PVT1: variants seen among roughly 807,000 people sequenced by gnomAD.
PVT1 encodes Pvt1 oncogene, also known as CXCR4/PVT1 fusion.
Position 127,839,686 on chromosome 8 carries a change from C to G in PVT1, n.372+43615C>G, listed in dbSNP as rs770811420. Among the ~76,000 whole-genome samples the G allele has an allele frequency of 1.2e-3, 178 of 152,032 alleles. 1 individual carries two copies. The highest frequency in any genetic ancestry group is 3.8e-3 in the African/African-American group (159 of 41,478). ...GAAACACCCAGATGGGTCATGAGCCCGTGCATCAGTCAGGGTCTAATGGCT... is the reference window on the plus strand; with the variant it reads ...GAAACACCCAGATGGGTCATGAGCCGGTGCATCAGTCAGGGTCTAATGGCT... On this transcript the variant is annotated intron_variant and non_coding_transcript_variant, in intron 2 of 10. Transcript: ENST00000651587.
At chr8:128,041,111 T>G (rs1813527581) in intron 4 of PVT1, among the ~76,000 whole-genome samples, 1 of 151,980 alleles carries the variant, frequency 6.6e-6, no homozygotes, top group South Asian at 2.1e-4. Flanking sequence ...TGTGTGATTG[T>G]GTGTATATGT....
intron 3 of PVT1, among the ~76,000 whole-genome samples, chr8:127,988,440 G>A (rs1407626191): frequency 6.6e-6 from 1 of 152,204 alleles, no homozygotes; most frequent in Non-Finnish European, 1.5e-5. Context: ...GTCAGTGCCT[G>A]GATCCCCAGG....
intron 3 of PVT1, among the ~76,000 whole-genome samples, chr8:127,964,357 C>T (rs1420294150): frequency 6.6e-6 from 1 of 152,172 alleles, no homozygotes; most frequent in African/African-American, 2.4e-5. Context: ...TTGGCGGATA[C>T]AGCAGCGACC....
chr8:127,883,887 T>C (rs1455262339), intron 2 of PVT1, among the ~76,000 whole-genome samples: 1 of 152,148 alleles, frequency 6.6e-6, no homozygotes, highest in Non-Finnish European at 1.5e-5. Context: ...GGCGTGAGAA[T>C]ACGATGAAAC....
At chr8:127,955,221 A>C (rs1320621139) in intron 3 of PVT1, among the ~76,000 whole-genome samples, 1 of 152,222 alleles carries the variant, frequency 6.6e-6, no homozygotes, top group East Asian at 1.9e-4. Flanking sequence ...AGGGAAGGCC[A>C]TGTGTGGACA....
intron 3 of PVT1, among the ~76,000 whole-genome samples, chr8:127,986,443 A>G (rs1418826760): frequency 6.6e-6 from 1 of 152,196 alleles, no homozygotes; most frequent in Admixed American, 6.5e-5. Context: ...CATCAGGTGC[A>G]GGGACCTCAG....
intron 2 of PVT1, among the ~76,000 whole-genome samples, chr8:127,822,054 G>GTTC (rs1213652276): frequency 1.3e-5 from 2 of 152,290 alleles, no homozygotes; most frequent in Admixed American, 1.3e-4. Context: ...AGCTTCAGTT[G>GTTC]TTCTATCTGT....
intron 4 of PVT1, among the ~76,000 whole-genome samples, chr8:128,011,873 C>A (rs546119313): frequency 1.9e-4 from 29 of 152,234 alleles, no homozygotes; most frequent in Admixed American, 1.2e-3. Flanking sequence ...TGAGAGAATG[C>A]TCTGTCTCTG....
chr8:127,993,833 A>G (rs1435162281), intron 4 of PVT1, among the ~76,000 whole-genome samples: 1 of 152,180 alleles, frequency 6.6e-6, no homozygotes, highest in Non-Finnish European at 1.5e-5. Context: ...CTTGTATTGC[A>G]CAAATATCGA....
At chr8:128,086,402 C>T (rs1814255306) in intron 5 of PVT1, among the ~76,000 whole-genome samples, 1 of 152,170 alleles carries the variant, frequency 6.6e-6, no homozygotes, top group East Asian at 1.9e-4. Context: ...TGCTACTATG[C>T]TAATCCTCAT....
intron 2 of PVT1, among the ~76,000 whole-genome samples, chr8:127,813,845 C>T (rs549037399): frequency 4.5e-4 from 68 of 152,328 alleles, no homozygotes; most frequent in Non-Finnish European, 6.5e-4. Context: ...TGCAATTGCA[C>T]GATCTCGGCT....
At chr8:128,097,577 AC>A (rs1814445329) in intron 6 of PVT1, among the ~76,000 whole-genome samples, 1 of 152,296 alleles carries the variant, frequency 6.6e-6, no homozygotes, top group African/African-American at 2.4e-5. Context: ...ATTAGGCAGT[AC>A]TGACCACACC....
At chr8:128,015,218 T>C (rs1817359506) in intron 4 of PVT1, among the ~76,000 whole-genome samples, 1 of 151,938 alleles carries the variant, frequency 6.6e-6, no homozygotes, top group Non-Finnish European at 1.5e-5. Flanking sequence ...GCCTCCTGAG[T>C]AACTGGGATT....
At chr8:127,949,304 A>G (rs916224720) in intron 3 of PVT1, among the ~76,000 whole-genome samples, 1 of 151,698 alleles carries the variant, frequency 6.6e-6, no homozygotes, top group Non-Finnish European at 1.5e-5. Context: ...CCTATGGGAC[A>G]CATTGAAGAC....
chr8:127,959,243 A>G (rs572271767), intron 3 of PVT1, among the ~76,000 whole-genome samples: 1 of 152,168 alleles, frequency 6.6e-6, no homozygotes, highest in Non-Finnish European at 1.5e-5. Context: ...GTGGGCATTT[A>G]TAAAGGAATT....
At chr8:127,998,884 G>C (rs1308783816) in intron 4 of PVT1, among the ~76,000 whole-genome samples, 1 of 117,478 alleles carries the variant, frequency 8.5e-6, no homozygotes, top group South Asian at 2.8e-4. Flanking sequence ...TCTTTTTTTG[G>C]TGCATCCATA....
intron 3 of PVT1, among the ~76,000 whole-genome samples, chr8:127,906,284 A>G (rs544012371): frequency 3.0e-4 from 45 of 152,316 alleles, no homozygotes; most frequent in African/African-American, 1.1e-3. Context: ...CGAGACAGGA[A>G]GAAAATGCCT....
intron 3 of PVT1, among the ~76,000 whole-genome samples, chr8:127,954,020 C>T (rs1563649113): frequency 6.6e-6 from 1 of 152,198 alleles, no homozygotes; most frequent in Non-Finnish European, 1.5e-5. Flanking sequence ...CTCTTAATTA[C>T]TAGCAGTAAG....
chr8:127,828,050 A>C (rs1329079673), intron 2 of PVT1, among the ~76,000 whole-genome samples: 2 of 152,152 alleles, frequency 1.3e-5, no homozygotes, highest in Admixed American at 6.5e-5. Context: ...TTCAAAATGA[A>C]AATAGCTTTA....
Sources: allele counts gnomAD v4.1 joint callset (sites outside exome capture counted in the v4.1 genomes callset), GRCh38; gene constraint gnomAD v4.1.1; transcripts MANE v1.5; gene names NCBI Gene and HGNC (gene_info 2026-07-23, HGNC 2026-07-21).